FMR1: variants seen among roughly 807,000 people sequenced by gnomAD.
FMR1 encodes FMRP translational regulator 1.
Under a neutral mutation model 50.6 loss-of-function variants are expected in FMR1, and 13 were observed. The observed-to-expected ratio is 0.26, with a 90% CI of 0.17 to 0.41. FMR1 has a LOEUF of 0.41. Ranked by LOEUF, FMR1 falls within the 10% of genes least tolerant of loss-of-function variation. The probability of loss-of-function intolerance (pLI) is 1.00; values close to 1 mark genes in which losing one functional copy is unlikely to be tolerated. For missense variants in FMR1, 316 were observed against 491.3 expected, an observed-to-expected ratio of 0.64 and a Z score of 3.37; for synonymous variants, 138 against 164.1, an observed-to-expected ratio of 0.84 and a Z score of 1.22.
In FMR1 at chrX:147,950,673, T is replaced by C. The variant is rs1399136466; in HGVS notation, c.*1829T>C. The C allele has an allele frequency of 3.1e-6, 1 of 325,070 alleles. No homozygotes were observed. Among genetic ancestry groups the C allele is most frequent in the African/African-American group, 2.7e-5 (1 of 37,658 alleles). The allele number at this position is 325,070 out of a possible 1,213,427, so 26.8% of individuals were successfully genotyped here. ...ATGCAATCCTTACAAATGATTGCTT[T>C]TAAAATTTTAAGCTAGGAAAAGAAA... On this transcript the variant is annotated 3_prime_UTR_variant, in exon 17 of 17. Transcript: ENST00000370475.
rs192653907 is a variant in FMR1 at position 147,928,066 on chromosome X, T to A, written c.199-256T>A. ...GCGTCTATTTTCAGAGCACTAATTATTGCTGAATTAGAACAGAAATATAGG... is the reference window on the plus strand; with the variant it reads ...GCGTCTATTTTCAGAGCACTAATTAATGCTGAATTAGAACAGAAATATAGG... On this transcript the variant is annotated intron_variant, in intron 3 of 16. Coordinates refer to ENST00000370475, the MANE Select transcript of FMR1 (RefSeq NM_002024.6). The A allele has an allele frequency of 2.9e-3, 891 of 304,420 alleles. 1 individual carries two copies. The highest frequency in any genetic ancestry group is 7.8e-3 in the South Asian group (80 of 10,305). 25.1% of individuals were successfully genotyped at this position (304,420 alleles called of 1,213,427 possible). A position where few individuals can be genotyped will look rare whatever the true frequency, so the allele number is the denominator to read the frequency against.
chrX:147,933,650 A>T (rs781967344), intron 9 of FMR1: 21 of 827,838 alleles, frequency 2.5e-5, no homozygotes, highest in Non-Finnish European at 2.5e-5. Context: ...AAAGCTACAT[A>T]TGTTTTTAAT....
intron 2 of FMR1, among the ~76,000 whole-genome samples, chrX:147,924,511 A>ATT (rs1349984355): frequency 0.04 from 1,797 of 44,947 alleles, 70 homozygotes; most frequent in African/African-American, 0.11. Context: ...CTATATATAT[A>ATT]TATATTTTTT....
At chrX:147,930,072 T>A (rs2043539246) in intron 6 of FMR1, 31 bp downstream of exon 6, 3 of 1,144,100 alleles carry the variant, frequency 2.6e-6, no homozygotes, top group Admixed American at 2.2e-5. Context: ...TATTTTTAGT[T>A]TAATTCATCT....
intron 9 of FMR1, among the ~76,000 whole-genome samples, chrX:147,933,157 G>A: frequency 9.4e-6 from 1 of 106,108 alleles, no homozygotes; most frequent in Admixed American, 1.0e-4. Flanking sequence ...TATTTGTTAA[G>A]TATGATGCTC....
In FMR1 at chrX:147,932,675, C is replaced by CT. The variant is rs1569545768; in HGVS notation, c.802-6dup. ...AATCTTTTGTCTTAAAATGTTTCCC[C>CT]TTTTATTAGGATCAGGATGCAGTGA... On this transcript the variant is annotated splice_polypyrimidine_tract_variant and intron_variant, in intron 8 of 16. Coordinates refer to ENST00000370475, the MANE Select transcript of FMR1 (RefSeq NM_002024.6). 1.9e-5 allele frequency: 23 copies of CT among 1,203,030 alleles called. No individual in the cohort carries two copies. Among genetic ancestry groups the CT allele is most frequent in the Non-Finnish European group, 2.4e-5 (21 of 889,459 alleles).
chrX:147,942,110 C>G (rs1258055342), intron 13 of FMR1, among the ~76,000 whole-genome samples: 1 of 112,633 alleles, frequency 8.9e-6, no homozygotes, highest in Admixed American at 9.4e-5. Flanking sequence ...GATGGCAGAG[C>G]ACAGATGAAA....
At chrX:147,913,907 G>A (rs185976434) in intron 1 of FMR1, 13 of 111,695 alleles carry the variant, frequency 1.2e-4, no homozygotes, top group Non-Finnish European at 1.3e-4. Context: ...TGTGAGTAAC[G>A]GCTAATGGTT....
At chrX:147,947,689 G>C (rs1467166566) in intron 16 of FMR1, 2 of 106,848 alleles carry the variant, frequency 1.9e-5, no homozygotes, top group Non-Finnish European at 3.8e-5. Flanking sequence ...CAGCCTGGGC[G>C]ACAGAGCGAG....
At chrX:147,926,781 C>T (rs2043404842) in intron 3 of FMR1, among the ~76,000 whole-genome samples, 1 of 111,726 alleles carries the variant, frequency 9.0e-6, no homozygotes, top group African/African-American at 3.3e-5. Flanking sequence ...AGCCACCATG[C>T]CCAGCTGGTC....
intron 1 of FMR1, among the ~76,000 whole-genome samples, chrX:147,918,105 G>A (rs1424692011): frequency 3.6e-5 from 4 of 111,349 alleles, no homozygotes; most frequent in African/African-American, 1.3e-4. Flanking sequence ...GGTGATAGGT[G>A]GAGTGATAGT....
intron 16 of FMR1, among the ~76,000 whole-genome samples, chrX:147,946,269 G>A (rs2044166999): frequency 8.9e-6 from 1 of 112,116 alleles, no homozygotes. Context: ...AACCTTATGT[G>A]TCTTTGCTCC....
intron 7 of FMR1, among the ~76,000 whole-genome samples, chrX:147,931,329 C>G (rs182043309): frequency 1.8e-5 from 2 of 111,751 alleles, no homozygotes; most frequent in East Asian, 5.6e-4. Flanking sequence ...TGAAAAAGAA[C>G]GAACCAGATT....
intron 13 of FMR1, among the ~76,000 whole-genome samples, chrX:147,942,220 A>G (rs782043948): frequency 8.9e-6 from 1 of 112,358 alleles, no homozygotes; most frequent in South Asian, 3.6e-4. Flanking sequence ...CTGTTCATGT[A>G]GACAGTCTCT....
chrX:147,919,899 T>A (rs898979874), intron 1 of FMR1, among the ~76,000 whole-genome samples: 1 of 112,581 alleles, frequency 8.9e-6, no homozygotes, highest in Admixed American at 9.4e-5. Flanking sequence ...AAATAATCTT[T>A]TTATATCATA....
rs781933453 is a variant in FMR1 at position 147,933,648 on chromosome X, A to G, written c.880+885A>G. ...GGTGCAGTTTTATCAAGAAAGCTAC[A>G]TATGTTTTTAATTTGTAAATAAAAT... On this transcript the variant is annotated intron_variant, in intron 9 of 16. Coordinates refer to ENST00000370475, the MANE Select transcript of FMR1 (RefSeq NM_002024.6). 116 of 829,115 alleles carry G rather than the reference A, an allele frequency of 1.4e-4. No homozygotes were observed. In the African/African-American group the frequency reaches 2.4e-3, roughly 17 times the overall value. The allele number at this position is 829,115 out of a possible 1,213,427, so 68.3% of individuals were successfully genotyped here.
At chrX:147,945,439 T>C in intron 15 of FMR1, 95 bp from the exon 16 acceptor site, 1 of 655,435 alleles carries the variant, frequency 1.5e-6, no homozygotes, top group Non-Finnish European at 2.5e-6. Flanking sequence ...TTTCAGATTC[T>C]GTGGTTGGTT....
Position 147,917,027 on chromosome X carries a change from A to G in FMR1, c.51+4797A>G, listed in dbSNP as rs782080490. ...GCATGAGACACCGGGTCCAGCTTCC[A>G]GCAGGTTTTCTTTAGGAGGGATATT... is the stretch of plus-strand genomic sequence containing the variant. On this transcript the variant is annotated intron_variant, in intron 1 of 16. Transcript: ENST00000370475. 2.7e-5 allele frequency among the ~76,000 whole-genome samples: 3 copies of G among 112,578 alleles called. No individual in the cohort carries two copies. In the East Asian group the frequency reaches 8.4e-4, roughly 31 times the overall value.
chrX:147,928,462 C>T, intron 4 of FMR1, 69 bp downstream of exon 4: 1 of 881,549 alleles, frequency 1.1e-6, no homozygotes, highest in South Asian at 2.1e-5. Context: ...TTGTACATTC[C>T]CGTGTGGATT....
Sources: allele counts gnomAD v4.1 joint callset (sites outside exome capture counted in the v4.1 genomes callset), GRCh38; gene constraint gnomAD v4.1.1; transcripts MANE v1.5; gene names NCBI Gene and HGNC (gene_info 2026-07-23, HGNC 2026-07-21).